The following TAC4 variants were observed in gnomAD, a reference collection of about 807,000 sequenced individuals.
The protein encoded by TAC4 is tachykinin-4.
A neutral mutation model predicts 17.7 loss-of-function variants in TAC4; 17 were observed. The observed-to-expected ratio is 0.96, with a 90% CI of 0.66 to 1.44. The LOEUF is 1.44. Among genes scored for constraint, TAC4 ranks in the 40% most tolerant of loss-of-function variants. TAC4 has a pLI of 0.00. For missense variants in TAC4, 118 were observed against 125.6 expected, an observed-to-expected ratio of 0.94 and a Z score of 0.29; for synonymous variants, 62 against 52.4, an observed-to-expected ratio of 1.18 and a Z score of -0.79.
rs762195786 is a variant in TAC4, at chr17:49,841,516, G to C, written c.232+36C>G. On this transcript the variant is annotated intron_variant, in intron 3 of 4. Coordinates refer to ENST00000436235, the MANE Select transcript of TAC4 (RefSeq NM_001077506.2). ...GCTGAGGACAACTCAGCCCTCCCTA[G>C]GGGGCATGTTGAAGGCAGGTTTGGG... 11 of 1,555,708 alleles carry C rather than the reference G, an allele frequency of 7.1e-6. No homozygotes were observed. In the African/African-American group the frequency reaches 1.5e-4, roughly 22 times the overall value.
intron 1 of TAC4, among the ~76,000 whole-genome samples, chr17:49,845,018 GT>G (rs1221948287): frequency 6.6e-6 from 1 of 152,194 alleles, no homozygotes; most frequent in Non-Finnish European, 1.5e-5. Flanking sequence ...TGACTTCACA[GT>G]ACTGGTTCTG....
At chr17:49,838,988 C>T (rs2074477403) in intron 4 of TAC4, among the ~76,000 whole-genome samples, 1 of 152,156 alleles carries the variant, frequency 6.6e-6, no homozygotes, top group South Asian at 2.1e-4. Flanking sequence ...AGTCCTGGCT[C>T]TGTTATCGGC....
At position 49,847,196 on chromosome 17, in the gene TAC4, G is replaced by C. The variant is rs1010318733; in HGVS notation, c.105+717C>G. The C allele has an allele frequency of 8.5e-6, 11 of 1,290,030 alleles. No homozygotes were observed. The African/African-American group carries it at 1.1e-4, about 12-fold the overall frequency. The allele number at this position is 1,290,030 out of a possible 1,614,324, so 79.9% of individuals were successfully genotyped here. ...GAGGAGTCAGGCCCAGCCTTGTCCTGTCTGCCCCCCTGGAAGCCTTCCCTG... is the reference window on the plus strand; with the variant it reads ...GAGGAGTCAGGCCCAGCCTTGTCCTCTCTGCCCCCCTGGAAGCCTTCCCTG... On this transcript the variant is annotated intron_variant, in intron 1 of 4. Coordinates refer to ENST00000436235, the MANE Select transcript of TAC4 (RefSeq NM_001077506.2).
chr17:49,843,340 G>T (rs536795636), intron 2 of TAC4, among the ~76,000 whole-genome samples: 1 of 152,234 alleles, frequency 6.6e-6, no homozygotes, highest in Non-Finnish European at 1.5e-5. Context: ...GGGAACACAG[G>T]TTTAAGTTAG....
intron 4 of TAC4, 39 bp downstream of exon 4, chr17:49,839,811 C>A (rs1216271594): frequency 6.3e-7 from 1 of 1,592,820 alleles, no homozygotes; most frequent in South Asian, 1.1e-5. Flanking sequence ...TGGCCATTTT[C>A]CCATGATGCC....
intron 2 of TAC4, among the ~76,000 whole-genome samples, chr17:49,842,934 G>A (rs1213843602): frequency 6.6e-6 from 1 of 152,142 alleles, no homozygotes; most frequent in Non-Finnish European, 1.5e-5. Context: ...ATCTTTCTAT[G>A]GGTCTGCCTC....
At position 49,848,024 on chromosome 17, in the gene TAC4, C is replaced by T. The variant is rs148934794; in HGVS notation, c.-7G>A. ...GGGCGAGGCAAGGCAGCATGGTGAGCCTGCACTGTCCTGGAATCTCTGGGA... is the reference window on the plus strand; with the variant it reads ...GGGCGAGGCAAGGCAGCATGGTGAGTCTGCACTGTCCTGGAATCTCTGGGA... On this transcript the variant is annotated 5_prime_UTR_variant, in exon 1 of 5. Transcript: ENST00000436235. The T allele has an allele frequency of 6.2e-7, 1 of 1,613,746 alleles. No individual in the cohort carries two copies. The highest frequency in any genetic ancestry group is 8.5e-7 in the Non-Finnish European group (1 of 1,179,952).
chr17:49,839,777 C>A (rs1333440645), intron 4 of TAC4, 73 bp downstream of exon 4: 35 of 1,434,162 alleles, frequency 2.4e-5, no homozygotes, highest in Non-Finnish European at 3.2e-5. Flanking sequence ...CAGCCCCCAT[C>A]TTGCAGACTG....
intron 1 of TAC4, chr17:49,846,902 G>GC (rs1461880978): frequency 2.5e-6 from 3 of 1,223,910 alleles, no homozygotes; most frequent in Non-Finnish European, 3.2e-6. Context: ...GAAAAGCCTT[G>GC]GGGGGTCACT....
chr17:49,842,773 T>G (rs2074508527), intron 2 of TAC4, among the ~76,000 whole-genome samples: 1 of 152,230 alleles, frequency 6.6e-6, no homozygotes, highest in Non-Finnish European at 1.5e-5. Flanking sequence ...TAACCACTGT[T>G]TACAGTTTGA....
At position 49,848,035 on chromosome 17, in the gene TAC4, C is replaced by T; in HGVS notation, c.-18G>A. On this transcript the variant is annotated 5_prime_UTR_variant, in exon 1 of 5. Coordinates refer to ENST00000436235, the MANE Select transcript of TAC4 (RefSeq NM_001077506.2). ...GGCAGCATGGTGAGCCTGCACTGTC[C>T]TGGAATCTCTGGGAGCCCCTCTCAG... is the stretch of plus-strand genomic sequence containing the variant. The T allele has an allele frequency of 1.2e-6, 2 of 1,613,146 alleles. No homozygotes were observed. Among genetic ancestry groups the T allele is most frequent in the Non-Finnish European group, 1.7e-6 (2 of 1,179,604 alleles).
rs150685532 is a variant in TAC4 at position 49,847,692 on chromosome 17, G to GACACAC, written c.105+215_105+220dup. 2,656 of 433,806 alleles carry GACACAC rather than the reference G, an allele frequency of 6.1e-3. 7 individuals are homozygous for GACACAC. The highest frequency in any genetic ancestry group is 0.015 in the East Asian group (379 of 25,870). 26.9% of individuals were successfully genotyped at this position (433,806 alleles called of 1,614,324 possible). The stretch of plus-strand genomic sequence containing the variant: ...TCTTACACACACACACACACACACA[G>GACACAC]ACACACACACACACACACACACACA... On this transcript the variant is annotated intron_variant, in intron 1 of 4. Coordinates refer to ENST00000436235, the MANE Select transcript of TAC4 (RefSeq NM_001077506.2).
chr17:49,846,707 G>C (rs1189415591), intron 1 of TAC4, among the ~76,000 whole-genome samples: 2 of 152,176 alleles, frequency 1.3e-5, no homozygotes, highest in Admixed American at 1.3e-4. Flanking sequence ...AGAGTGAAAG[G>C]AGAGTAAGGA....
In TAC4 at chr17:49,839,918, G is replaced by T. The variant is rs749209364; in HGVS notation, c.233-9C>A. 5.0e-6 allele frequency: 8 copies of T among 1,611,236 alleles called. No individual in the cohort carries two copies. In the South Asian group the frequency reaches 8.9e-5, roughly 18 times the overall value. On this transcript the variant is annotated splice_polypyrimidine_tract_variant and intron_variant, in intron 3 of 4. Coordinates refer to ENST00000436235, the MANE Select transcript of TAC4 (RefSeq NM_001077506.2). ...GTGTTCCAGCTGATATGCTGGTGGT[G>T]GGAGAGAGAAGTGGTAGAGGAGAGA...
intron 2 of TAC4, among the ~76,000 whole-genome samples, chr17:49,842,013 C>T (rs2074502183): frequency 1.3e-5 from 2 of 148,810 alleles, no homozygotes; most frequent in Non-Finnish European, 3.0e-5. Context: ...ACGCCATTCT[C>T]CTGCCTCAGC....
At chr17:49,846,832 T>C in intron 1 of TAC4, 1 of 707,680 alleles carries the variant, frequency 1.4e-6, no homozygotes, top group Non-Finnish European at 2.0e-6. Flanking sequence ...GCAAGGCTTC[T>C]GTCTCTAGAC....
chr17:49,847,315 T>A, intron 1 of TAC4: 1 of 1,220,944 alleles, frequency 8.2e-7, no homozygotes, highest in Non-Finnish European at 1.1e-6. Context: ...GATCTTTGCC[T>A]CCCCAATCAG....
intron 2 of TAC4, 24 bp downstream of exon 2, chr17:49,844,040 G>A (rs758376648): frequency 1.2e-6 from 2 of 1,608,924 alleles, no homozygotes; most frequent in Non-Finnish European, 1.7e-6. Flanking sequence ...CTGCTTGCTG[G>A]GCTCCATTGT....
intron 1 of TAC4, chr17:49,846,988 G>A (rs776197744): frequency 7.8e-7 from 1 of 1,290,008 alleles, no homozygotes; most frequent in South Asian, 1.2e-5. Flanking sequence ...TCCTAGCCCT[G>A]CTGCCCTCTC....
Sources: allele counts gnomAD v4.1 joint callset (sites outside exome capture counted in the v4.1 genomes callset), GRCh38; gene constraint gnomAD v4.1.1; transcripts MANE v1.5; gene names NCBI Gene and HGNC (gene_info 2026-07-23, HGNC 2026-07-21).